The following EBF4 variants were observed in gnomAD, a reference collection of about 807,000 sequenced individuals.
EBF4 encodes the protein EBF transcription factor 4, also known as transcription factor COE4.
In EBF4, 34 loss-of-function variants were observed where a neutral mutation model predicts 67.1. That is an observed-to-expected ratio of 0.51 (90% CI 0.39 to 0.67). The LOEUF is 0.67. Ranked by LOEUF, EBF4 falls within the 30% of genes least tolerant of loss-of-function variation. The pLI, the probability that EBF4 is intolerant of heterozygous loss-of-function variation, is 0.00. For synonymous variants in EBF4, 387 were observed against 377.7 expected (o/e 1.02, Z -0.29); for missense variants, 837 against 873.3 (o/e 0.96, Z 0.52).
chr20:2,754,195 C>A (rs2088201616), intron 14 of EBF4, among the ~76,000 whole-genome samples: 1 of 152,148 alleles, frequency 6.6e-6, no homozygotes. Flanking sequence ...ACCCAGGTAC[C>A]CTTCCACTCC....
At position 2,700,691 on chromosome 20, in the gene EBF4, G is replaced by T. The variant is rs556097788; in HGVS notation, c.138-4886G>T. 4.0e-5 allele frequency among the ~76,000 whole-genome samples: 6 copies of T among 151,156 alleles called. No homozygotes were observed. In the East Asian group the frequency reaches 9.7e-4, roughly 24 times the overall value. On this transcript the variant is annotated intron_variant, in intron 1 of 16. Transcript: ENST00000609451. ...TCTTTTTTTCTGTTCTTTAGTCCGG[G>T]TTTGTTTTCTCATTACAAGAGCATC...
chr20:2,759,057 C>A, intron 16 of EBF4, 73 bp downstream of exon 16: 1 of 1,397,720 alleles, frequency 7.2e-7, no homozygotes. Context: ...TAAAGGCCTT[C>A]ATCCTGTGCT....
chr20:2,741,494 A>C (rs1420920256), intron 6 of EBF4, among the ~76,000 whole-genome samples: 3 of 152,182 alleles, frequency 2.0e-5, no homozygotes, highest in Non-Finnish European at 2.9e-5. Context: ...TATAAGTTAA[A>C]TGTTTGCACT....
intron 1 of EBF4, among the ~76,000 whole-genome samples, chr20:2,701,717 T>A (rs1487602243): frequency 6.6e-6 from 1 of 152,166 alleles, no homozygotes; most frequent in East Asian, 1.9e-4. Context: ...ATAGCCTCCC[T>A]CCCCACTGCC....
At chr20:2,709,525 C>T (rs1481421618) in intron 5 of EBF4, 49 bp from the exon 6 acceptor site, 1 of 1,516,032 alleles carries the variant, frequency 6.6e-7, no homozygotes. Context: ...TGTCGTGGCC[C>T]CCTCCTTCCT....
In EBF4 at chr20:2,745,368, G is replaced by A. The variant is rs1270078210; in HGVS notation, c.558-3181G>A. On this transcript the variant is annotated intron_variant, in intron 6 of 16. Coordinates refer to ENST00000609451, the Ensembl canonical transcript of EBF4. The surrounding 1 kb of genome is among the most constrained non-coding windows in gnomAD (Gnocchi z 5.2). ...CCCAAAGGGAAGGGAGAAGGGGACT[G>A]ACCCTCAGCCCCCACTGCAGGCCAT... 3.9e-5 allele frequency among the ~76,000 whole-genome samples: 6 copies of A among 152,234 alleles called. No individual in the cohort carries two copies. The highest frequency in any genetic ancestry group is 8.8e-5 in the Non-Finnish European group (6 of 68,036).
intron 3 of EBF4, 64 bp downstream of exon 3, chr20:2,706,101 G>C: frequency 1.3e-6 from 2 of 1,547,722 alleles, no homozygotes; most frequent in Non-Finnish European, 1.7e-6. Flanking sequence ...AGCATCATGC[G>C]ACACCTAATG....
At chr20:2,726,937 C>T (rs1342326788) in intron 6 of EBF4, among the ~76,000 whole-genome samples, 2 of 152,078 alleles carry the variant, frequency 1.3e-5, no homozygotes, top group East Asian at 1.9e-4. Flanking sequence ...CCCCATCTCC[C>T]TCTCCCCCCA....
intron 6 of EBF4, 50 bp from the exon 7 acceptor site, chr20:2,748,499 C>G: frequency 6.6e-7 from 1 of 1,518,772 alleles, no homozygotes; most frequent in Non-Finnish European, 8.9e-7. Flanking sequence ...GGATCTTCAT[C>G]TGTTTCCAGA....
intron 14 of EBF4, 37 bp downstream of exon 14, chr20:2,752,582 CG>C: frequency 8.2e-7 from 1 of 1,226,994 alleles, no homozygotes; most frequent in Non-Finnish European, 1.0e-6. Flanking sequence ...GGTCTGGGGC[CG>C]GGGAGCGGAA....
exon 14 of EBF4, chr20:2,752,373 C>T (rs1322531116): frequency 1.6e-6 from 2 of 1,234,094 alleles, no homozygotes; most frequent in South Asian, 3.3e-5. Flanking sequence ...CGCGCAGCTG[C>T]AGCAGCGCGT....
chr20:2,693,176 G>A (rs1321922177), upstream of EBF4: 21 of 154,022 alleles, frequency 1.4e-4, no homozygotes, highest in South Asian at 9.0e-4. This position sits in a 1 kb window ranked among gnomAD's most constrained non-coding sequence, Gnocchi z 4.6. Flanking sequence ...CTGGCGCCGC[G>A]GGCGGGCGGG....
chr20:2,693,761 A>G lies in EBF4; in HGVS notation c.116A>G (p.Asp39Gly). 5 of 1,337,410 alleles carry G rather than the reference A, an allele frequency of 3.7e-6. No individual in the cohort carries two copies. The highest frequency in any genetic ancestry group is 4.8e-6 in the Non-Finnish European group (5 of 1,046,346). The allele number at this position is 1,337,410 out of a possible 1,614,324, so 82.8% of individuals were successfully genotyped here. ...TGGATGCAGGGCGCGGGCATCCTGG[A>G]CGCCAGCACCGCGGCGCAGAGGTAA... Residue 39 changes from aspartate to glycine, a missense_variant, in exon 1 of 17, where the codon GAC becomes GGC. Physicochemically the swap from Asp to Gly is moderately conservative, Grantham distance 94 (BLOSUM62 -1). This residue lies in a region of EBF4 where 86 missense variants were observed against 70.3 expected (regional missense o/e 1.22). Transcript: ENST00000609451. This position sits in a 1 kb window ranked among gnomAD's most constrained non-coding sequence, Gnocchi z 4.6.
chr20:2,727,560 C>G (rs533876928), intron 6 of EBF4, among the ~76,000 whole-genome samples: 4 of 152,118 alleles, frequency 2.6e-5, no homozygotes, highest in Non-Finnish European at 5.9e-5. Flanking sequence ...ACAGTTCAAA[C>G]CTGTGTTTTT....
chr20:2,758,983 C>G lies in EBF4; in HGVS notation c.*4C>G, dbSNP rs557533992. ...TCAGGGCCTGGCATACTCCTAATTA[C>G]GGTAGGTCTCTGGCTGGGTCTGGCC... is the stretch of plus-strand genomic sequence containing the variant. On this transcript the variant is annotated splice_region_variant and 3_prime_UTR_variant, in exon 16 of 17. Coordinates refer to ENST00000609451, the Ensembl canonical transcript of EBF4. 3.2e-6 allele frequency: 5 copies of G among 1,551,714 alleles called. No homozygotes were observed. The South Asian group carries it at 4.8e-5, about 15-fold the overall frequency.
At chr20:2,759,908 T>A (rs1483330953), downstream of EBF4, 3 of 152,414 alleles carry the variant, frequency 2.0e-5, no homozygotes, top group African/African-American at 7.2e-5. Context: ...CCAGGCCTCC[T>A]GTATTTGGGG....
rs1650395656 is a variant in EBF4, at chr20:2,755,849, G to A, written c.1738+25G>A. ...GGTGAGTGATCCACCCTGCCTCACTGTGGCAGGAAGGAAGGGCCCTTGTGG... is the reference window on the plus strand; with the variant it reads ...GGTGAGTGATCCACCCTGCCTCACTATGGCAGGAAGGAAGGGCCCTTGTGG... On this transcript the variant is annotated intron_variant, in intron 15 of 16. Transcript: ENST00000609451. The surrounding 1 kb of genome is among the most constrained non-coding windows in gnomAD (Gnocchi z 4.7). The A allele has an allele frequency of 1.9e-6, 3 of 1,538,704 alleles. No homozygotes were observed. The highest frequency in any genetic ancestry group is 1.7e-6 in the Non-Finnish European group (2 of 1,143,944).
intron 16 of EBF4, 114 bp downstream of exon 16, chr20:2,759,098 T>G: frequency 9.8e-7 from 1 of 1,025,084 alleles, no homozygotes; most frequent in Non-Finnish European, 1.4e-6. Flanking sequence ...CCCACAGGGA[T>G]GGGGAGCTGG....
intron 6 of EBF4, among the ~76,000 whole-genome samples, chr20:2,738,791 C>T (rs184306998): frequency 5.8e-4 from 89 of 152,332 alleles, no homozygotes; most frequent in African/African-American, 1.9e-3. Context: ...CTAAAATTGA[C>T]GCTGTTCATT....
Sources: gnomAD v4.1 joint callset for allele counts (sites outside exome capture counted in the v4.1 genomes callset) on GRCh38, gnomAD v4.1.1 for gene constraint, gnomAD v4.1.1 regional missense constraint, Gnocchi (gnomAD v3.1) non-coding constraint, MANE v1.5 for transcripts, NCBI Gene and HGNC (gene_info 2026-07-23, HGNC 2026-07-21) for gene names.